The following ATE1 variants were observed in gnomAD, a reference collection of about 807,000 sequenced individuals.
ATE1 encodes arginyltransferase 1.
Under a neutral mutation model 70.5 loss-of-function variants are expected in ATE1, and 36 were observed. That is an observed-to-expected ratio of 0.51 (90% CI 0.39 to 0.67). The LOEUF (loss-of-function observed/expected upper bound fraction) is 0.67, where lower values mean the gene tolerates loss of function less well. Ranked by LOEUF, ATE1 falls within the 30% of genes least tolerant of loss-of-function variation. ATE1 has a pLI of 0.00. For missense variants in ATE1, 593 were observed against 629.5 expected (o/e 0.94, Z 0.62); for synonymous variants, 232 against 219.3 (o/e 1.06, Z -0.51).
chr10:121,869,358 T>C (rs932577664), intron 8 of ATE1, among the ~76,000 whole-genome samples: 1 of 152,212 alleles, frequency 6.6e-6, no homozygotes, highest in Non-Finnish European at 1.5e-5. Context: ...GTCTTGATGA[T>C]CATCTACAAG....
chr10:121,849,866 A>G (rs1948987541), intron 8 of ATE1, among the ~76,000 whole-genome samples: 1 of 149,052 alleles, frequency 6.7e-6, no homozygotes, highest in Non-Finnish European at 1.5e-5. Context: ...AAATTCAGGA[A>G]AAAAAAAAAA....
At chr10:121,825,078 GATTA>G (rs908667751) in intron 10 of ATE1, among the ~76,000 whole-genome samples, 7 of 151,514 alleles carry the variant, frequency 4.6e-5, no homozygotes, top group Admixed American at 3.3e-4. Flanking sequence ...TTTAAGAATG[GATTA>G]ATTTTAAAAG....
intron 3 of ATE1, among the ~76,000 whole-genome samples, chr10:121,916,417 A>G (rs141269684): frequency 1.6e-4 from 24 of 152,232 alleles, no homozygotes; most frequent in African/African-American, 4.6e-4. Flanking sequence ...TGAGCAGTGA[A>G]TCAAAGTTTG....
At chr10:121,911,292 G>A (rs1951414329) in intron 4 of ATE1, 141 bp from the exon 5 acceptor site, 1 of 1,091,904 alleles carries the variant, frequency 9.2e-7, no homozygotes, top group Non-Finnish European at 1.3e-6. Flanking sequence ...TCCAAAATAA[G>A]AGAGCTGCAC....
chr10:121,801,471 T>C (rs1946875487), intron 10 of ATE1, among the ~76,000 whole-genome samples: 1 of 152,022 alleles, frequency 6.6e-6, no homozygotes, highest in South Asian at 2.1e-4. Flanking sequence ...CGGCCCAAAT[T>C]TAATTTCAAA....
At chr10:121,801,455 AACTTACG>A (rs1946874838) in intron 10 of ATE1, among the ~76,000 whole-genome samples, 1 of 152,340 alleles carries the variant, frequency 6.6e-6, no homozygotes, top group Non-Finnish European at 1.5e-5. Context: ...TCAAGGAGTC[AACTTACG>A]GCCCAAATTT....
chr10:121,868,965 A>G (rs981482157), intron 8 of ATE1, among the ~76,000 whole-genome samples: 1 of 152,240 alleles, frequency 6.6e-6, no homozygotes, highest in African/African-American at 2.4e-5. Flanking sequence ...CACAGTATTG[A>G]GGCTCAACCC....
chr10:121,788,912 G>A (rs1434426957), intron 11 of ATE1, among the ~76,000 whole-genome samples: 5 of 152,198 alleles, frequency 3.3e-5, no homozygotes, highest in South Asian at 2.1e-4. Flanking sequence ...GCTAAATGCC[G>A]TGAGGACTAC....
In ATE1 at chr10:121,842,397, A is replaced by AAT. The variant is rs1462506126; in HGVS notation, c.976-1136_976-1135dup. ...TAGAGATTACTAATTCAAGTGAACA[A>AAT]ATATAATACTACTTGTACATCATTT... On this transcript the variant is annotated intron_variant, in intron 8 of 11. Transcript: ENST00000224652. Among the ~76,000 whole-genome samples the AAT allele has an allele frequency of 8.5e-5, 13 of 152,316 alleles. 1 individual carries two copies. Among genetic ancestry groups the AAT allele is most frequent in the African/African-American group, 3.1e-4 (13 of 41,578 alleles).
intron 8 of ATE1, among the ~76,000 whole-genome samples, chr10:121,865,628 TATC>T (rs1195138935): frequency 1.3e-5 from 2 of 152,162 alleles, no homozygotes; most frequent in Non-Finnish European, 2.9e-5. Context: ...GGGGAGTACA[TATC>T]AGCAGCTACA....
chr10:121,868,773 A>G (rs1191298298), intron 8 of ATE1, among the ~76,000 whole-genome samples: 2 of 152,128 alleles, frequency 1.3e-5, no homozygotes, highest in South Asian at 2.1e-4. Flanking sequence ...TACTCAGACA[A>G]TGTGACCAAA....
chr10:121,916,962 G>A (rs558657937), intron 3 of ATE1, among the ~76,000 whole-genome samples: 11 of 151,920 alleles, frequency 7.2e-5, no homozygotes, highest in African/African-American at 1.7e-4. Context: ...TATGGAGTTC[G>A]AGACCAGCCT....
intron 9 of ATE1, among the ~76,000 whole-genome samples, chr10:121,840,533 G>A (rs867261257): frequency 2.0e-5 from 3 of 151,956 alleles, no homozygotes; most frequent in South Asian, 2.1e-4. Context: ...AACGTTTAAG[G>A]AATATAAGTA....
intron 7 of ATE1, 136 bp downstream of exon 7, chr10:121,899,730 G>C: frequency 7.5e-7 from 1 of 1,331,376 alleles, no homozygotes; most frequent in South Asian, 1.6e-5. Context: ...CATTAATTCA[G>C]TCTTAGGTCT....
rs1192220091 is a variant in ATE1 at position 121,743,525 on chromosome 10, C to A, written c.*155G>T. The A allele has an allele frequency of 1.5e-6, 2 of 1,316,476 alleles. No individual in the cohort carries two copies. Among genetic ancestry groups the A allele is most frequent in the African/African-American group, 3.0e-5 (2 of 67,038 alleles). The allele number at this position is 1,316,476 out of a possible 1,614,324, so 81.5% of individuals were successfully genotyped here. ...ATTAACTATGAGATTCTCACAGATA[C>A]ATTGCCACAAAATATTTTTTAAAAG... On this transcript the variant is annotated 3_prime_UTR_variant, in exon 12 of 12. Transcript: ENST00000224652.
intron 11 of ATE1, among the ~76,000 whole-genome samples, chr10:121,780,022 C>T (rs1034800241): frequency 2.3e-4 from 35 of 152,138 alleles, no homozygotes; most frequent in Non-Finnish European, 4.9e-4. Context: ...TTGGGGCTGT[C>T]CTCTGCTCTT....
chr10:121,874,707 T>G (rs1433934427), intron 7 of ATE1, among the ~76,000 whole-genome samples: 1 of 152,134 alleles, frequency 6.6e-6, no homozygotes, highest in African/African-American at 2.4e-5. Flanking sequence ...TCAAAACATC[T>G]TAAAAGATGA....
At chr10:121,873,644 CA>C (rs1215570176) in intron 7 of ATE1, among the ~76,000 whole-genome samples, 1 of 147,894 alleles carries the variant, frequency 6.8e-6, no homozygotes, top group Non-Finnish European at 1.5e-5. Flanking sequence ...CTAATTTTGT[CA>C]AAAGATCCTA....
intron 7 of ATE1, chr10:121,899,056 C>A: frequency 1.4e-6 from 2 of 1,455,420 alleles, no homozygotes; most frequent in Non-Finnish European, 1.9e-6. Flanking sequence ...AAGATCTCCA[C>A]AAATCCACGC....
Sources: allele counts gnomAD v4.1 joint callset (sites outside exome capture counted in the v4.1 genomes callset), GRCh38; gene constraint gnomAD v4.1.1; transcripts MANE v1.5; gene names NCBI Gene and HGNC (gene_info 2026-07-23, HGNC 2026-07-21).